The following TBC1D21 variants were observed in gnomAD, a reference collection of about 807,000 sequenced individuals.
TBC1D21 encodes the protein TBC1 domain family member 21.
TBC1D21 carries 38 observed loss-of-function variants against 46.0 expected under a neutral mutation model. The observed-to-expected ratio is 0.83, with a 90% CI of 0.64 to 1.08. The LOEUF (loss-of-function observed/expected upper bound fraction) is 1.08. Among genes scored for constraint, TBC1D21 ranks in the 50% least tolerant of loss-of-function variants. The pLI is 0.00. For missense variants in TBC1D21, 415 were observed against 417.9 expected (o/e 0.99, Z 0.06); for synonymous variants, 151 against 157.2 (o/e 0.96, Z 0.29).
the TBC1D21 span, among the ~76,000 whole-genome samples, chr15:73,894,995 C>T: frequency 9.2e-5 from 14 of 152,154 alleles, no homozygotes; most frequent in South Asian, 2.1e-4. Flanking sequence ...GTGGCAGGCA[C>T]GGGAGGGCGG....
Position 73,884,858 on chromosome 15 carries a change from C to T in TBC1D21, c.445C>T (p.Leu149=), listed in dbSNP as rs2053959. The T allele has an allele frequency of 4.7e-3, 7,594 of 1,614,142 alleles. 332 individuals carry two copies. The East Asian group carries it at 0.12, about 26-fold the overall frequency. The part of the protein sequence containing the change: ...LIDKKRLEKI[L]LLSYVCNTQA... ...CGACAAGAAGAGGCTAGAGAAGATC[C>T]TGCTCCTGAGTTACGTCTGCAACAC... The change falls in exon 5 of 11, where the codon CTG becomes TTG. Residue 149 remains leucine, a synonymous_variant. Transcript: ENST00000300504.
At chr15:73,896,430 G>A in the TBC1D21 span, among the ~76,000 whole-genome samples, 1 of 152,010 alleles carries the variant, frequency 6.6e-6, no homozygotes, top group Non-Finnish European at 1.5e-5. Context: ...TAGAGGCCAT[G>A]GTAGAGTGGT....
the TBC1D21 span, among the ~76,000 whole-genome samples, chr15:73,895,587 C>G: frequency 6.6e-6 from 1 of 152,162 alleles, no homozygotes; most frequent in Non-Finnish European, 1.5e-5. Flanking sequence ...CAAATTGTAC[C>G]CGAACACCGG....
At chr15:73,886,254 A>G (rs1345615712) in intron 7 of TBC1D21, 80 bp downstream of exon 7, 2 of 1,280,678 alleles carry the variant, frequency 1.6e-6, no homozygotes, top group African/African-American at 2.9e-5. Flanking sequence ...TCAGTCCCTA[A>G]TCATGGGGGG....
In TBC1D21 at chr15:73,876,199, GTTTTTTTTTTTTTTTTTTTTTTT is replaced by G. The variant is rs539517539; in HGVS notation, c.60+2454_60+2476del. Among the ~76,000 whole-genome samples the G allele has an allele frequency of 1.8e-3, 50 of 28,320 alleles. 5 individuals are homozygous for G. The highest frequency in any genetic ancestry group is 3.0e-3 in the Admixed American group (5 of 1,660). 18.6% of individuals were successfully genotyped at this position (28,320 alleles called of 152,430 possible). On this transcript the variant is annotated intron_variant, in intron 1 of 10. Coordinates refer to ENST00000300504, the MANE Select transcript of TBC1D21 (RefSeq NM_153356.3). The stretch of plus-strand genomic sequence containing the variant: ...GAAGAATCAGTGACTTTTTTTGTGG[GTTTTTTTTTTTTTTTTTTTTTTT>G]TTTTTTTTTTTTTTTTTTTTTTTGA...
chr15:73,905,581 A>G, the TBC1D21 span, among the ~76,000 whole-genome samples: 1 of 152,244 alleles, frequency 6.6e-6, no homozygotes, highest in African/African-American at 2.4e-5. Flanking sequence ...ATTCAGTGAC[A>G]TCATGTTGAT....
Position 73,878,872 on chromosome 15 carries a change from T to C in TBC1D21, c.61-2527T>C, listed in dbSNP as rs1472895608. 9.2e-5 allele frequency among the ~76,000 whole-genome samples: 14 copies of C among 152,316 alleles called. 1 individual carries two copies. In the East Asian group the frequency reaches 2.7e-3, roughly 29 times the overall value. The stretch of plus-strand genomic sequence containing the variant: ...CTGTTCCCTTCTGCTTCCTGCCACA[T>C]TGCATGCTGAGTGTTGCAGTTTCTG... On this transcript the variant is annotated intron_variant, in intron 1 of 10. Transcript: ENST00000300504.
At chr15:73,887,471 A>G in intron 8 of TBC1D21, 149 bp from the exon 9 acceptor site, 1 of 672,528 alleles carries the variant, frequency 1.5e-6, no homozygotes, top group Non-Finnish European at 2.7e-6. Flanking sequence ...TGAGTGAGTG[A>G]GTGAATGAAG....
chr15:73,894,012 G>C (rs138812983), downstream of TBC1D21, among the ~76,000 whole-genome samples: 1,586 of 152,298 alleles, frequency 0.01, 24 homozygotes, highest in Non-Finnish European at 0.014. Context: ...TTCTGATTCT[G>C]ATTTCACCCT....
intron 1 of TBC1D21, among the ~76,000 whole-genome samples, chr15:73,876,225 T>TTTTTTTTTTTTG (rs2068063360): frequency 1.7e-5 from 1 of 59,004 alleles, no homozygotes; most frequent in Non-Finnish European, 3.1e-5. Flanking sequence ...TTTTTTTTTT[T>TTTTTTTTTTTTG]TTTTTTTTTT....
chr15:73,904,734 G>A, the TBC1D21 span, among the ~76,000 whole-genome samples: 3 of 152,132 alleles, frequency 2.0e-5, no homozygotes, highest in Non-Finnish European at 4.4e-5. Flanking sequence ...TCATGGGACT[G>A]GGGGACAAAG....
intron 3 of TBC1D21, among the ~76,000 whole-genome samples, chr15:73,882,348 C>T (rs2068170774): frequency 6.6e-6 from 1 of 152,198 alleles, no homozygotes; most frequent in Admixed American, 6.5e-5. Context: ...ATTCCAACCA[C>T]ACTGACAGCC....
intron 3 of TBC1D21, among the ~76,000 whole-genome samples, chr15:73,883,432 C>A (rs1301081454): frequency 6.6e-6 from 1 of 152,180 alleles, no homozygotes; most frequent in Admixed American, 6.5e-5. Context: ...AGGGTAGAAC[C>A]CTTCCTTACC....
In TBC1D21 at chr15:73,876,198, G is replaced by GGGTTTTTT. The variant is rs368540542; in HGVS notation, c.60+2430_60+2431insGTTTTTTG. 9.8e-3 allele frequency among the ~76,000 whole-genome samples: 90 copies of GGGTTTTTT among 9,150 alleles called. 26 individuals carry two copies. Among genetic ancestry groups the GGGTTTTTT allele is most frequent in the South Asian group, 0.062 (7 of 112 alleles). The allele number at this position is 9,150 out of a possible 152,430, so 6.0% of individuals were successfully genotyped here. On this transcript the variant is annotated intron_variant, in intron 1 of 10. Coordinates refer to ENST00000300504, the MANE Select transcript of TBC1D21 (RefSeq NM_153356.3). ...GGAAGAATCAGTGACTTTTTTTGTG[G>GGGTTTTTT]GTTTTTTTTTTTTTTTTTTTTTTTT...
At chr15:73,876,209 T>G (rs28694766) in intron 1 of TBC1D21, among the ~76,000 whole-genome samples, 1,349 of 24,218 alleles carry the variant, frequency 0.056, 111 homozygotes, top group East Asian at 0.11. Flanking sequence ...GTTTTTTTTT[T>G]TTTTTTTTTT....
At chr15:73,879,514 G>A (rs2141556981) in intron 1 of TBC1D21, among the ~76,000 whole-genome samples, 1 of 152,070 alleles carries the variant, frequency 6.6e-6, no homozygotes, top group Admixed American at 6.5e-5. Flanking sequence ...CACCATGCCT[G>A]GCCTGTTTTG....
At chr15:73,894,924 C>T in the TBC1D21 span, among the ~76,000 whole-genome samples, 1 of 152,200 alleles carries the variant, frequency 6.6e-6, no homozygotes, top group Non-Finnish European at 1.5e-5. Flanking sequence ...TCCTGCCAGA[C>T]CCTGGTGCTC....
At chr15:73,892,089 A>G (rs1406669090), downstream of TBC1D21, among the ~76,000 whole-genome samples, 1 of 152,118 alleles carries the variant, frequency 6.6e-6, no homozygotes, top group Non-Finnish European at 1.5e-5. Context: ...ACAAATCAGC[A>G]TGCACTTCCT....
intron 10 of TBC1D21, 36 bp downstream of exon 10, chr15:73,888,549 T>TTCCTCCTCC: frequency 7.6e-7 from 1 of 1,321,030 alleles, no homozygotes; most frequent in Non-Finnish European, 1.0e-6. Flanking sequence ...CCTCCTCCTC[T>TTCCTCCTCC]TCCTCCTCCT....
Sources: allele counts gnomAD v4.1 joint callset (sites outside exome capture counted in the v4.1 genomes callset), GRCh38; gene constraint gnomAD v4.1.1; transcripts MANE v1.5; gene names NCBI Gene and HGNC (gene_info 2026-07-23, HGNC 2026-07-21).